The following BRD8 variants were observed in gnomAD, a reference collection of about 807,000 sequenced individuals.
BRD8 encodes bromodomain containing 8.
In BRD8, 67 loss-of-function variants were observed where a neutral mutation model predicts 143.1. The ratio of observed to expected loss-of-function variants is 0.47; its 90% CI spans 0.38 to 0.57. The LOEUF (loss-of-function observed/expected upper bound fraction) is 0.57. BRD8 is among the 20% of genes least tolerant of loss of function. BRD8 has a pLI of 0.00. For synonymous variants in BRD8, 505 were observed against 517.1 expected (o/e 0.98, Z 0.32); for missense variants, 1,103 against 1,503.0 (o/e 0.73, Z 4.40).
rs138973025 is a variant in BRD8, at chr5:138,159,734, G to C, written c.2533-135C>G. 5 of 819,596 alleles carry C rather than the reference G, an allele frequency of 6.1e-6. No individual in the cohort carries two copies. The Admixed American group carries it at 1.1e-4, about 19-fold the overall frequency. The allele number at this position is 819,596 out of a possible 1,614,324, so 50.8% of individuals were successfully genotyped here. A position where few individuals can be genotyped will look rare whatever the true frequency, so the allele number is the denominator to read the frequency against. Reference sequence around the variant, plus strand: ...TAAAACTCAAGAACAAGAGGAAAGAGATCCAAAAGCAATCTGTCCATTACG... The same window carrying C: ...TAAAACTCAAGAACAAGAGGAAAGACATCCAAAAGCAATCTGTCCATTACG... On this transcript the variant is annotated intron_variant, in intron 19 of 26. Transcript: ENST00000254900.
chr5:138,167,769 A>G, intron 9 of BRD8, 165 bp downstream of exon 9: 2 of 623,956 alleles, frequency 3.2e-6, no homozygotes, highest in Non-Finnish European at 5.8e-6. Context: ...TGGCTTTATA[A>G]TATGGAGACT....
At chr5:138,158,175 G>A (rs1057223060) in intron 20 of BRD8, among the ~76,000 whole-genome samples, 1 of 152,066 alleles carries the variant, frequency 6.6e-6, no homozygotes, top group Non-Finnish European at 1.5e-5. Flanking sequence ...TCCCTGTGAG[G>A]TAGGCTGGAC....
At chr5:138,173,000 G>C (rs1404438716) in intron 2 of BRD8, 1 of 170,124 alleles carries the variant, frequency 5.9e-6, no homozygotes. Context: ...AGTAGACGGG[G>C]GATAGTAACG....
In BRD8 at chr5:138,171,052, GGT is replaced by G. The variant is rs1479111586; in HGVS notation, c.343_344del (p.Thr115ProfsTer5). The G allele has an allele frequency of 6.2e-7, 1 of 1,613,280 alleles. No homozygotes were observed. Among genetic ancestry groups the G allele is most frequent in the Non-Finnish European group, 8.5e-7 (1 of 1,179,916 alleles). On this transcript the variant is annotated frameshift_variant, in exon 5 of 27. Coordinates refer to ENST00000254900, the MANE Select transcript of BRD8 (RefSeq NM_139199.2). LOFTEE classifies it high-confidence loss of function. ...VEELKKVIKE[T>X]QERYRRLKRD... ...CTGATAAGTACCTATATCTCTCCTG[GGT>G]TTCCTTTATCACTTTCTTTAGTTCT...
chr5:138,156,941 TAA>T (rs1375349707), intron 20 of BRD8: 2 of 1,259,106 alleles, frequency 1.6e-6, no homozygotes, highest in African/African-American at 3.1e-5. Flanking sequence ...TTGTTTTTTT[TAA>T]AAAGTCTGTA....
At position 138,140,851 on chromosome 5, in the gene BRD8, G is replaced by T. The variant is rs778971338; in HGVS notation, c.3469C>A (p.Leu1157Ile). The change falls in exon 26 of 27, where the codon CTC becomes ATC. Residue 1157 changes from leucine (L) to isoleucine (I), a missense_variant. Physicochemically the swap from Leu to Ile is conservative, Grantham distance 5. Transcript: ENST00000254900. The part of the protein sequence containing the change: ...PMDLTSLKRN[L>I]SKGRIRTMAQ... ...ATGGTGCGAATCCGACCCTTAGAGAGATTTCTCTTCAGGCTAGTTAAGTCC... is the reference window on the plus strand; with the variant it reads ...ATGGTGCGAATCCGACCCTTAGAGATATTTCTCTTCAGGCTAGTTAAGTCC... 4 of 1,614,192 alleles carry T rather than the reference G, an allele frequency of 2.5e-6. No individual in the cohort carries two copies. The highest frequency in any genetic ancestry group is 3.4e-6 in the Non-Finnish European group (4 of 1,180,048).
At chr5:138,147,563 C>T (rs1449440650) in intron 23 of BRD8, among the ~76,000 whole-genome samples, 1 of 152,066 alleles carries the variant, frequency 6.6e-6, no homozygotes, top group East Asian at 1.9e-4. Context: ...AATCTCAGCA[C>T]TTTGAAAGGC....
intron 18 of BRD8, 152 bp downstream of exon 18, chr5:138,160,739 T>A: frequency 1.5e-6 from 1 of 657,352 alleles, no homozygotes. Flanking sequence ...CCAAAGAAAA[T>A]AAAAGTAAGA....
At chr5:138,162,744 C>T (rs1753089315) in intron 15 of BRD8, among the ~76,000 whole-genome samples, 1 of 151,876 alleles carries the variant, frequency 6.6e-6, no homozygotes, top group African/African-American at 2.4e-5. Context: ...CGCCTGTAAT[C>T]TCAGCACTTT....
At chr5:138,159,961 C>A in intron 19 of BRD8, 108 bp downstream of exon 19, 2 of 777,136 alleles carry the variant, frequency 2.6e-6, no homozygotes, top group South Asian at 3.1e-5. Context: ...GTCTGTATAT[C>A]ATTGGAATCT....
intron 8 of BRD8, chr5:138,168,330 T>C (rs1005354382): frequency 1.7e-5 from 12 of 722,208 alleles, no homozygotes; most frequent in African/African-American, 1.1e-4. Context: ...ACTTACTGTA[T>C]TTTTAAAAAA....
chr5:138,165,618 C>G (rs1042211291), intron 11 of BRD8, among the ~76,000 whole-genome samples: 3 of 150,882 alleles, frequency 2.0e-5, no homozygotes, highest in Non-Finnish European at 4.4e-5. Flanking sequence ...CCCAGCTACT[C>G]AGGAGGCTGA....
chr5:138,146,689 C>A (rs545087047), intron 23 of BRD8, among the ~76,000 whole-genome samples: 33 of 152,204 alleles, frequency 2.2e-4, no homozygotes, highest in African/African-American at 7.7e-4. Flanking sequence ...TCAGATTGGG[C>A]CCGGTGTGGT....
At chr5:138,168,630 G>A (rs1378473455) in intron 8 of BRD8, 7 of 1,603,916 alleles carry the variant, frequency 4.4e-6, no homozygotes, top group Non-Finnish European at 5.9e-6. Context: ...TGGAGGAAGG[G>A]TGTCAGGAAT....
At position 138,149,796 on chromosome 5, in the gene BRD8, C is replaced by T; in HGVS notation, c.3122G>A (p.Gly1041Glu). The T allele has an allele frequency of 6.3e-7, 1 of 1,593,820 alleles. No individual in the cohort carries two copies. The highest frequency in any genetic ancestry group is 8.5e-7 in the Non-Finnish European group (1 of 1,174,020). Residue 1041 changes from glycine (G) to glutamate (E), a missense_variant and splice_region_variant, in exon 23 of 27, where the codon GGG (glycine) becomes GAG (glutamate). Gly to Glu is a moderately conservative substitution (Grantham distance 98). Around this residue, in one of 7 missense-constraint regions of BRD8, gnomAD observed 369 missense variants for 445.5 expected, o/e 0.83. Coordinates refer to ENST00000254900, the MANE Select transcript of BRD8 (RefSeq NM_139199.2). ...VQGLLTESEEGEAQQESKGED... is the reference protein window; with the variant it reads ...VQGLLTESEEEEAQQESKGED... ...CCCTTTGGATTCTTGCTGAGCCTCC[C>T]CCTAGGAATGCCAGGAAACAGGAAA...
chr5:138,160,280 T>C, intron 18 of BRD8, 107 bp from the exon 19 acceptor site: 1 of 749,624 alleles, frequency 1.3e-6, no homozygotes, highest in Non-Finnish European at 2.3e-6. Context: ...CTCTTCTGGC[T>C]CAAATATATT....
In BRD8 at chr5:138,149,689, C is replaced by T. The variant is rs770304569; in HGVS notation, c.3229G>A (p.Glu1077Lys). ...AAAAGTGTATCCACCAAGGGAGTCT[C>T]CTTAATGTTAAAGGCATCATCACAC... is the stretch of plus-strand genomic sequence containing the variant. ...GECDDAFNIK[E>K]TPLVDTLFSH... The change falls in exon 23 of 27, where the codon GAG becomes AAG. Residue 1077 changes from glutamate to lysine, a missense_variant. This residue lies in a region of BRD8 where 369 missense variants were observed against 445.5 expected (regional missense o/e 0.83). Coordinates refer to ENST00000254900, the MANE Select transcript of BRD8 (RefSeq NM_139199.2). 1 of 1,613,554 alleles carries T rather than the reference C, an allele frequency of 6.2e-7. No individual in the cohort carries two copies. Among genetic ancestry groups the T allele is most frequent in the Non-Finnish European group, 8.5e-7 (1 of 1,179,796 alleles).
At chr5:138,156,283 A>T (rs904329335) in intron 20 of BRD8, among the ~76,000 whole-genome samples, 1 of 151,902 alleles carries the variant, frequency 6.6e-6, no homozygotes, top group African/African-American at 2.4e-5. Context: ...GGGACTACAG[A>T]CATGCGCCAC....
chr5:138,166,557 A>C lies in BRD8; in HGVS notation c.958T>G (p.Ser320Ala). Residue 320 changes from serine (S) to alanine (A), a missense_variant, in exon 10 of 27, where the codon TCT becomes GCT. Ser to Ala is a moderately conservative substitution (Grantham distance 99). Coordinates refer to ENST00000254900, the MANE Select transcript of BRD8 (RefSeq NM_139199.2). ...TCAGTAGTGGAGACAGCCGGAGCAG[A>C]GGATGGTGCTGGCAGCGCAGGCATC... Reference protein sequence around the residue: ...VMMPALPAPSSAPAVSTTESV... With the variant: ...VMMPALPAPSAAPAVSTTESV... 1.2e-6 allele frequency: 2 copies of C among 1,613,948 alleles called. No individual in the cohort carries two copies. The highest frequency in any genetic ancestry group is 2.2e-5 in the South Asian group (2 of 91,066).
Sources: allele counts gnomAD v4.1 joint callset (sites outside exome capture counted in the v4.1 genomes callset), GRCh38; gene constraint gnomAD v4.1.1; regional missense constraint gnomAD v4.1.1; transcripts MANE v1.5; gene names NCBI Gene and HGNC (gene_info 2026-07-23, HGNC 2026-07-21).